The following SPOCK1 variants were observed in gnomAD, a reference collection of about 807,000 sequenced individuals.
The protein encoded by SPOCK1 is testican-1.
A neutral mutation model predicts 55.3 loss-of-function variants in SPOCK1; 23 were observed. The ratio of observed to expected loss-of-function variants is 0.42; its 90% CI spans 0.30 to 0.59. The LOEUF (loss-of-function observed/expected upper bound fraction) is 0.59. Among genes scored for constraint, SPOCK1 ranks in the 20% least tolerant of loss-of-function variants. The pLI is 0.22. For synonymous variants in SPOCK1, 226 were observed against 221.0 expected, an observed-to-expected ratio of 1.02 and a Z score of -0.20; for missense variants, 499 against 552.5, an observed-to-expected ratio of 0.90 and a Z score of 0.97.
chr5:137,245,034 T>C (rs1282203948), intron 3 of SPOCK1, among the ~76,000 whole-genome samples: 2 of 152,244 alleles, frequency 1.3e-5, no homozygotes, highest in East Asian at 1.9e-4. Context: ...TTTTAAACTC[T>C]GAGTAATTCA....
intron 2 of SPOCK1, among the ~76,000 whole-genome samples, chr5:137,481,449 A>G (rs921698550): frequency 3.3e-5 from 5 of 152,262 alleles, no homozygotes; most frequent in African/African-American, 1.2e-4. Flanking sequence ...GGTCAAAAAT[A>G]TGGGAAGAAA....
chr5:137,110,133 C>T (rs975053222), intron 5 of SPOCK1, among the ~76,000 whole-genome samples: 8 of 152,140 alleles, frequency 5.3e-5, no homozygotes, highest in Non-Finnish European at 5.9e-5. Flanking sequence ...CCATTAGTAA[C>T]GATAGTGGCA....
At chr5:137,257,890 G>C (rs1756667952) in intron 3 of SPOCK1, among the ~76,000 whole-genome samples, 1 of 152,146 alleles carries the variant, frequency 6.6e-6, no homozygotes, top group African/African-American at 2.4e-5. Flanking sequence ...TCTTGGCTCT[G>C]TAGACCACAA....
rs558039604 is a variant in SPOCK1 at position 137,348,976 on chromosome 5, G to C, written c.187-81921C>G. Among the ~76,000 whole-genome samples, 47 of 152,234 alleles carry C rather than the reference G, an allele frequency of 3.1e-4. No individual in the cohort carries two copies. In the South Asian group the frequency reaches 9.6e-3, roughly 31 times the overall value. ...AAGCTCAGCCAAACCTCCGAGATTGGTTACAAAGATCACATTGTTTGACTC... is the reference window on the plus strand; with the variant it reads ...AAGCTCAGCCAAACCTCCGAGATTGCTTACAAAGATCACATTGTTTGACTC... On this transcript the variant is annotated intron_variant, in intron 2 of 10. Transcript: ENST00000394945.
At chr5:137,160,535 TATATAATATATATAA>T (rs1279509435) in intron 3 of SPOCK1, among the ~76,000 whole-genome samples, 62 of 54,200 alleles carry the variant, frequency 1.1e-3, no homozygotes, top group East Asian at 6.1e-3. Context: ...TATATAAAAA[TATATAATATATATAA>T]TATATATTAT....
In SPOCK1 at chr5:137,178,871, T is replaced by C. The variant is rs115694054; in HGVS notation, c.233-38177A>G. ...GTGTAAACCACTATATCCCCTGGGA[T>C]AGGCTTAAGATAGTAGTACAGCATA... On this transcript the variant is annotated intron_variant, in intron 3 of 10. Transcript: ENST00000394945. Among the ~76,000 whole-genome samples the C allele has an allele frequency of 7.9e-3, 1,200 of 152,278 alleles. 14 individuals carry two copies. The highest frequency in any genetic ancestry group is 0.027 in the African/African-American group (1,119 of 41,550).
chr5:137,421,144 G>A (rs1469447351), intron 2 of SPOCK1, among the ~76,000 whole-genome samples: 2 of 152,194 alleles, frequency 1.3e-5, no homozygotes, highest in African/African-American at 4.8e-5. Context: ...TAGTTTGATT[G>A]CACTGTGGTC....
intron 4 of SPOCK1, among the ~76,000 whole-genome samples, chr5:137,115,596 C>T (rs1753562343): frequency 6.6e-6 from 1 of 152,124 alleles, no homozygotes; most frequent in Admixed American, 6.6e-5. Context: ...TCACCTTTGA[C>T]TTCTCCTAGG....
intron 2 of SPOCK1, among the ~76,000 whole-genome samples, chr5:137,454,822 T>G (rs1210164154): frequency 1.3e-5 from 2 of 152,208 alleles, no homozygotes; most frequent in East Asian, 3.8e-4. Context: ...AGACCAAGAA[T>G]GCTGTCAAAT....
chr5:137,195,673 T>C (rs529345383), intron 3 of SPOCK1, among the ~76,000 whole-genome samples: 1 of 152,256 alleles, frequency 6.6e-6, no homozygotes, highest in South Asian at 2.1e-4. Context: ...AGCTCCAGAT[T>C]TGGAAACTTT....
At chr5:137,249,823 T>C (rs1756472188) in intron 3 of SPOCK1, among the ~76,000 whole-genome samples, 1 of 152,112 alleles carries the variant, frequency 6.6e-6, no homozygotes. Flanking sequence ...TTGACAATCT[T>C]CAAGATAAAG....
At chr5:137,236,178 G>T (rs1441638367) in intron 3 of SPOCK1, among the ~76,000 whole-genome samples, 1 of 152,242 alleles carries the variant, frequency 6.6e-6, no homozygotes, top group Admixed American at 6.5e-5. Context: ...TATCTGGCCT[G>T]TCCTCCAGGT....
chr5:137,459,948 G>A (rs1753445834), intron 2 of SPOCK1, among the ~76,000 whole-genome samples: 1 of 152,180 alleles, frequency 6.6e-6, no homozygotes, highest in African/African-American at 2.4e-5. Flanking sequence ...GGCTTGGCAT[G>A]TACAGATGCA....
intron 2 of SPOCK1, among the ~76,000 whole-genome samples, chr5:137,361,384 G>A (rs1470439653): frequency 6.6e-6 from 1 of 152,162 alleles, no homozygotes; most frequent in Non-Finnish European, 1.5e-5. Flanking sequence ...ACTCACCACT[G>A]TATCAGAGTC....
chr5:137,233,713 C>CTTTTTTTTTTT (rs56328555), intron 3 of SPOCK1, among the ~76,000 whole-genome samples: 82 of 58,410 alleles, frequency 1.4e-3, no homozygotes, highest in African/African-American at 1.5e-3. Context: ...AGGATATGCA[C>CTTTTTTTTTTT]TTTTTTTTTT....
intron 2 of SPOCK1, among the ~76,000 whole-genome samples, chr5:137,487,417 T>A (rs1381840558): frequency 2.0e-5 from 3 of 148,282 alleles, no homozygotes; most frequent in Non-Finnish European, 4.5e-5. Context: ...AATGTCACCA[T>A]CTAGCCCCTG....
At chr5:136,992,838 T>C (rs1750974094) in intron 6 of SPOCK1, 3 of 401,522 alleles carry the variant, frequency 7.5e-6, no homozygotes, top group Non-Finnish European at 1.3e-5. Context: ...GGATGGCCTC[T>C]GTGCTGTGAA....
intron 6 of SPOCK1, among the ~76,000 whole-genome samples, chr5:137,021,783 C>A (rs899103708): frequency 2.6e-5 from 4 of 151,992 alleles, no homozygotes; most frequent in African/African-American, 9.7e-5. Flanking sequence ...AAGAAGATGA[C>A]AATATTTTCC....
intron 2 of SPOCK1, among the ~76,000 whole-genome samples, chr5:137,327,132 G>A (rs892887644): frequency 2.6e-5 from 4 of 152,168 alleles, no homozygotes; most frequent in Non-Finnish European, 5.9e-5. Flanking sequence ...CTCCGAGTCC[G>A]ATTGATTTCC....
Sources: gnomAD v4.1 joint callset for allele counts (sites outside exome capture counted in the v4.1 genomes callset) on GRCh38, gnomAD v4.1.1 for gene constraint, MANE v1.5 for transcripts, NCBI Gene and HGNC (gene_info 2026-07-23, HGNC 2026-07-21) for gene names.